Variants in CSMD1 observed in about 807,000 individuals in gnomAD.
The protein encoded by CSMD1 is CUB and Sushi multiple domains 1, also known as CUB and sushi domain-containing protein 1.
Under a neutral mutation model 417.5 loss-of-function variants are expected in CSMD1, and 213 were observed. The observed-to-expected ratio is 0.51, with a 90% CI of 0.46 to 0.57. CSMD1 has a LOEUF of 0.57. Ranked by LOEUF, CSMD1 falls within the 20% of genes least tolerant of loss-of-function variation. The pLI, the probability that CSMD1 is intolerant of heterozygous loss-of-function variation, is 0.00. For synonymous variants in CSMD1, 2,862 were observed against 1,736.8 expected, an observed-to-expected ratio of 1.65 and a Z score of -16.11; for missense variants, 6,923 against 4,529.7, an observed-to-expected ratio of 1.53 and a Z score of -15.17.
intron 23 of CSMD1, among the ~76,000 whole-genome samples, chr8:3,324,755 C>T (rs1188811384): frequency 6.6e-6 from 1 of 152,224 alleles, no homozygotes; most frequent in African/African-American, 2.4e-5. Flanking sequence ...CTTCACCCCA[C>T]CTTCCATCAT....
chr8:3,832,976 T>C (rs1802460395), intron 5 of CSMD1, among the ~76,000 whole-genome samples: 1 of 152,168 alleles, frequency 6.6e-6, no homozygotes, highest in Non-Finnish European at 1.5e-5. Flanking sequence ...AATTGAGAAA[T>C]ATAGACACTG....
At chr8:3,753,580 C>G (rs1295626820) in intron 6 of CSMD1, among the ~76,000 whole-genome samples, 1 of 152,096 alleles carries the variant, frequency 6.6e-6, no homozygotes, top group Non-Finnish European at 1.5e-5. Flanking sequence ...AACCTATATG[C>G]TATAGCATGC....
intron 7 of CSMD1, among the ~76,000 whole-genome samples, chr8:3,695,926 T>C (rs1800528957): frequency 6.6e-6 from 1 of 152,210 alleles, no homozygotes; most frequent in African/African-American, 2.4e-5. Context: ...TCTATCTTTG[T>C]AGGAACAAGA....
intron 1 of CSMD1, among the ~76,000 whole-genome samples, chr8:4,908,884 C>T (rs187028801): frequency 1.8e-4 from 27 of 152,196 alleles, no homozygotes; most frequent in Non-Finnish European, 2.9e-4. Flanking sequence ...TTCTAAATTC[C>T]CTGACTGGCA....
chr8:4,027,574 G>A (rs944668622), intron 4 of CSMD1, among the ~76,000 whole-genome samples: 2 of 152,086 alleles, frequency 1.3e-5, no homozygotes, highest in Non-Finnish European at 2.9e-5. Context: ...ATAACTGCAT[G>A]GTTCCTGAGG....
chr8:4,984,858 G>A (rs978847174), intron 1 of CSMD1, among the ~76,000 whole-genome samples: 4 of 152,162 alleles, frequency 2.6e-5, no homozygotes, highest in African/African-American at 9.7e-5. Context: ...ACACCCCTGG[G>A]TGGAGATCTA....
intron 25 of CSMD1, among the ~76,000 whole-genome samples, chr8:3,305,805 G>T (rs576076205): frequency 3.3e-5 from 5 of 151,986 alleles, no homozygotes; most frequent in East Asian, 1.9e-4. Context: ...TCAGCCTCCC[G>T]AGTAGCTGGG....
At chr8:3,075,439 G>A (rs1319033267) in intron 49 of CSMD1, among the ~76,000 whole-genome samples, 3 of 151,718 alleles carry the variant, frequency 2.0e-5, no homozygotes, top group African/African-American at 7.3e-5. Context: ...GCACCACCAT[G>A]CCTGGCTAAT....
At chr8:4,066,370 C>G (rs1033520635) in intron 3 of CSMD1, among the ~76,000 whole-genome samples, 1 of 152,158 alleles carries the variant, frequency 6.6e-6, no homozygotes, top group South Asian at 2.1e-4. Context: ...TTCTAAGTCC[C>G]ACTCAGCGCA....
chr8:3,985,069 A>G (rs926800983), intron 5 of CSMD1, among the ~76,000 whole-genome samples: 5 of 152,038 alleles, frequency 3.3e-5, no homozygotes, highest in African/African-American at 1.2e-4. Context: ...GCTTTCAAAA[A>G]CACTGTGGCT....
rs538623450 is a variant in CSMD1, at chr8:3,911,401, G to A, written c.818+86502C>T. ...AAATTAGCTGGGTATGGTGGCGGGC[G>A]CCTGTGATCCCAGTTACTCGGGAGG... On this transcript the variant is annotated intron_variant, in intron 5 of 69. Transcript: ENST00000635120. Among the ~76,000 whole-genome samples the A allele has an allele frequency of 3.4e-3, 519 of 151,638 alleles. 1 individual carries two copies. The highest frequency in any genetic ancestry group is 0.014 in the Middle Eastern group (4 of 294).
rs1280610701 is a variant in CSMD1, at chr8:4,242,370, T to C, written c.415+177583A>G. 1.3e-5 allele frequency among the ~76,000 whole-genome samples: 2 copies of C among 152,138 alleles called. 1 individual carries two copies. Among genetic ancestry groups the C allele is most frequent in the Non-Finnish European group, 2.9e-5 (2 of 68,014 alleles). ...ACCTCCCTAAGTAATCAAAGAGCTG[T>C]AAATGAGAGAAGAAAACACTTCCCC... On this transcript the variant is annotated intron_variant, in intron 3 of 69. Coordinates refer to ENST00000635120, the MANE Select transcript of CSMD1 (RefSeq NM_033225.6).
chr8:4,620,222 G>C (rs1018503953), intron 2 of CSMD1, among the ~76,000 whole-genome samples: 9 of 151,518 alleles, frequency 5.9e-5, no homozygotes, highest in African/African-American at 2.2e-4. Context: ...AGAATTATTT[G>C]AAAAATCAAA....
intron 3 of CSMD1, among the ~76,000 whole-genome samples, chr8:4,199,442 T>C (rs1472138557): frequency 2.6e-5 from 4 of 152,180 alleles, no homozygotes; most frequent in South Asian, 2.1e-4. Flanking sequence ...TGTAAGTCTA[T>C]TGCATCTCAG....
intron 9 of CSMD1, among the ~76,000 whole-genome samples, chr8:3,581,401 G>C (rs1800377045): frequency 6.6e-6 from 1 of 152,138 alleles, no homozygotes; most frequent in Non-Finnish European, 1.5e-5. Flanking sequence ...CATCTGTTTG[G>C]TAACAGGAAG....
At chr8:4,029,853 C>G (rs1303536824) in intron 4 of CSMD1, among the ~76,000 whole-genome samples, 3 of 151,988 alleles carry the variant, frequency 2.0e-5, no homozygotes, top group Non-Finnish European at 4.4e-5. Flanking sequence ...AATGCAGGCA[C>G]AAGAATTGGG....
In CSMD1 at chr8:4,930,369, G is replaced by A. The variant is rs137966070; in HGVS notation, c.85+63963C>T. Among the ~76,000 whole-genome samples the A allele has an allele frequency of 7.9e-5, 12 of 151,196 alleles. 1 individual carries two copies. In the South Asian group the frequency reaches 8.6e-4, roughly 11 times the overall value. On this transcript the variant is annotated intron_variant, in intron 1 of 69. Coordinates refer to ENST00000635120, the MANE Select transcript of CSMD1 (RefSeq NM_033225.6). The stretch of plus-strand genomic sequence containing the variant: ...ATTCTGATTTCATTCATAGGTGCGC[G>A]CACACACACACACGCATATATATAT...
chr8:4,580,335 C>G (rs565714964), intron 2 of CSMD1, among the ~76,000 whole-genome samples: 2 of 152,258 alleles, frequency 1.3e-5, no homozygotes, highest in African/African-American at 4.8e-5. Context: ...GACATGAGCC[C>G]TGTATCATAT....
At chr8:4,222,687 G>A (rs1481315921) in intron 3 of CSMD1, among the ~76,000 whole-genome samples, 1 of 152,142 alleles carries the variant, frequency 6.6e-6, no homozygotes, top group African/African-American at 2.4e-5. Context: ...CAACTATTCA[G>A]TTATGCCTCT....
Sources: allele counts gnomAD v4.1 joint callset (sites outside exome capture counted in the v4.1 genomes callset), GRCh38; gene constraint gnomAD v4.1.1; transcripts MANE v1.5; gene names NCBI Gene and HGNC (gene_info 2026-07-23, HGNC 2026-07-21).